Variants in SLC25A20 observed in about 807,000 individuals in gnomAD.
SLC25A20 encodes the protein mitochondrial carnitine/acylcarnitine carrier protein.
A neutral mutation model predicts 39.7 loss-of-function variants in SLC25A20; 29 were observed. The observed-to-expected ratio is 0.73, with a 90% CI of 0.54 to 1.00. The LOEUF (loss-of-function observed/expected upper bound fraction) is 1.00, where lower values mean the gene tolerates loss of function less well. SLC25A20 is among the 50% of genes least tolerant of loss of function. The probability of loss-of-function intolerance (pLI) is 0.00; values close to 1 mark genes in which losing one functional copy is unlikely to be tolerated. For synonymous variants in SLC25A20, 103 were observed against 142.2 expected, an observed-to-expected ratio of 0.72 and a Z score of 1.96; for missense variants, 333 against 379.9, an observed-to-expected ratio of 0.88 and a Z score of 1.03.
chr3:48,893,604 G>C (rs933812594), intron 1 of SLC25A20, among the ~76,000 whole-genome samples: 3 of 151,848 alleles, frequency 2.0e-5, no homozygotes, highest in Non-Finnish European at 4.4e-5. Flanking sequence ...TATGATCTTG[G>C]CTCACTGCCA....
At chr3:48,889,316 G>A (rs2106663102) in intron 2 of SLC25A20, among the ~76,000 whole-genome samples, 1 of 151,606 alleles carries the variant, frequency 6.6e-6, no homozygotes, top group African/African-American at 2.4e-5. Flanking sequence ...CTTGAGCCTG[G>A]GAGGCAGAGG....
At position 48,868,061 on chromosome 3, in the gene SLC25A20, T is replaced by TA. The variant is rs1267353414; in HGVS notation, c.418-5403dup. Among the ~76,000 whole-genome samples the TA allele has an allele frequency of 4.3e-3, 601 of 140,076 alleles. 16 individuals carry two copies. In the East Asian group the frequency reaches 0.073, roughly 17 times the overall value. The allele number at this position is 140,076 out of a possible 152,430, so 91.9% of individuals were successfully genotyped here. A position where few individuals can be genotyped will look rare whatever the true frequency, so the allele number is the denominator to read the frequency against. On this transcript the variant is annotated intron_variant, in intron 4 of 8. Transcript: ENST00000319017. ...AGGCAACAAGAGCAAAAACTCCATC[T>TA]AAAAAAAAAAAGAAAAGAAAAGAAA...
chr3:48,860,610 A>T (rs150566783), intron 5 of SLC25A20, among the ~76,000 whole-genome samples: 205 of 151,628 alleles, frequency 1.4e-3, no homozygotes, highest in African/African-American at 4.5e-3. Context: ...TCTCAAAAAA[A>T]AATAATAATA....
At chr3:48,898,381 T>G (rs978833353) in intron 1 of SLC25A20, among the ~76,000 whole-genome samples, 3 of 152,176 alleles carry the variant, frequency 2.0e-5, no homozygotes, top group Non-Finnish European at 2.9e-5. Context: ...AAACCAAAAC[T>G]ATGGAGAGAC....
At chr3:48,869,062 A>G (rs2083692685) in intron 4 of SLC25A20, among the ~76,000 whole-genome samples, 1 of 152,196 alleles carries the variant, frequency 6.6e-6, no homozygotes, top group African/African-American at 2.4e-5. Context: ...AGGTGTCAAC[A>G]GAGGCCAAAT....
chr3:48,860,802 AAG>A (rs2106637932), intron 5 of SLC25A20, among the ~76,000 whole-genome samples: 1 of 151,230 alleles, frequency 6.6e-6, no homozygotes, highest in South Asian at 2.1e-4. Flanking sequence ...AAAAAAGAAA[AAG>A]AATATAGTAT....
At chr3:48,884,873 C>G (rs913381175) in intron 2 of SLC25A20, among the ~76,000 whole-genome samples, 1 of 138,860 alleles carries the variant, frequency 7.2e-6, no homozygotes, top group African/African-American at 2.7e-5. Context: ...CACATTATAA[C>G]ATGAGAAGAG....
chr3:48,863,314 T>C (rs1297680066), intron 4 of SLC25A20, among the ~76,000 whole-genome samples: 1 of 152,206 alleles, frequency 6.6e-6, no homozygotes, highest in Non-Finnish European at 1.5e-5. Context: ...AAATATCCCC[T>C]GAAGACCAAC....
At chr3:48,887,794 C>T (rs1361397421) in intron 2 of SLC25A20, among the ~76,000 whole-genome samples, 5 of 152,028 alleles carry the variant, frequency 3.3e-5, no homozygotes, top group Non-Finnish European at 7.4e-5. Flanking sequence ...CCCAGCTACT[C>T]GGGAGGCTGA....
At chr3:48,861,783 T>A (rs762419008) in intron 5 of SLC25A20, among the ~76,000 whole-genome samples, 1 of 151,704 alleles carries the variant, frequency 6.6e-6, no homozygotes, top group Non-Finnish European at 1.5e-5. Flanking sequence ...TCCCGGCACC[T>A]TGGGAGGCCG....
intron 2 of SLC25A20, among the ~76,000 whole-genome samples, chr3:48,885,058 G>A (rs532459925): frequency 1.1e-4 from 17 of 152,208 alleles, no homozygotes; most frequent in African/African-American, 3.8e-4. Flanking sequence ...AGTAATGAAA[G>A]GGAAGATGAG....
chr3:48,880,531 C>T (rs1251773646), intron 3 of SLC25A20, among the ~76,000 whole-genome samples: 1 of 149,812 alleles, frequency 6.7e-6, no homozygotes, highest in Non-Finnish European at 1.5e-5. Context: ...CCCACTTCGG[C>T]CTCCCAGAGT....
At chr3:48,868,383 C>T (rs2083688422) in intron 4 of SLC25A20, among the ~76,000 whole-genome samples, 1 of 152,056 alleles carries the variant, frequency 6.6e-6, no homozygotes, top group Non-Finnish European at 1.5e-5. Flanking sequence ...CACAAACATT[C>T]CCTAGGTCAA....
intron 1 of SLC25A20, among the ~76,000 whole-genome samples, chr3:48,893,334 C>T (rs2083890804): frequency 6.6e-6 from 1 of 151,856 alleles, no homozygotes; most frequent in Admixed American, 6.6e-5. Flanking sequence ...TGACACTGAA[C>T]AACTTCTCAC....
chr3:48,876,413 CTGTTT>C (rs2083757511), intron 4 of SLC25A20, among the ~76,000 whole-genome samples: 1 of 147,664 alleles, frequency 6.8e-6, no homozygotes, highest in East Asian at 2.0e-4. Context: ...CATTGTTTTT[CTGTTT>C]TGTTTTGTTT....
At chr3:48,875,929 T>C (rs2083752089) in intron 4 of SLC25A20, among the ~76,000 whole-genome samples, 2 of 152,218 alleles carry the variant, frequency 1.3e-5, no homozygotes, top group Admixed American at 1.3e-4. Flanking sequence ...GAGGTAAGAA[T>C]GGCTTCATCT....
intron 2 of SLC25A20, among the ~76,000 whole-genome samples, chr3:48,886,716 A>G (rs754739613): frequency 2.6e-5 from 4 of 152,062 alleles, no homozygotes; most frequent in Non-Finnish European, 5.9e-5. Context: ...TGCCTGTATC[A>G]GGGCCTATAA....
intron 4 of SLC25A20, among the ~76,000 whole-genome samples, chr3:48,871,421 T>A (rs900425826): frequency 1.3e-5 from 2 of 151,574 alleles, no homozygotes; most frequent in South Asian, 4.2e-4. Context: ...GCTATAGTTA[T>A]CAAGACTGTG....
intron 5 of SLC25A20, 71 bp from the exon 6 acceptor site, chr3:48,859,698 A>C: frequency 2.5e-6 from 3 of 1,213,558 alleles, no homozygotes; most frequent in Non-Finnish European, 3.7e-6. Flanking sequence ...ACACACCTGT[A>C]ATCTCAGCAA....
Sources: allele counts gnomAD v4.1 joint callset (sites outside exome capture counted in the v4.1 genomes callset), GRCh38; gene constraint gnomAD v4.1.1; transcripts MANE v1.5; gene names NCBI Gene and HGNC (gene_info 2026-07-23, HGNC 2026-07-21).